The following BRINP1 variants were observed in gnomAD, a reference collection of about 807,000 sequenced individuals.
The protein encoded by BRINP1 is BMP/retinoic acid-inducible neural-specific protein 1.
In BRINP1, 17 loss-of-function variants were observed where a neutral mutation model predicts 72.9. That is an observed-to-expected ratio of 0.23 (90% CI 0.16 to 0.35). The LOEUF (loss-of-function observed/expected upper bound fraction) is 0.35, where lower values mean the gene tolerates loss of function less well. Ranked by LOEUF, BRINP1 falls within the 10% of genes least tolerant of loss-of-function variation. BRINP1 has a pLI of 1.00. For missense variants in BRINP1, 850 were observed against 1,001.6 expected (o/e 0.85, Z 2.04); for synonymous variants, 418 against 378.5 (o/e 1.10, Z -1.21).
intron 1 of BRINP1, among the ~76,000 whole-genome samples, chr9:119,322,857 G>C (rs1831203854): frequency 6.6e-6 from 1 of 152,092 alleles, no homozygotes. Flanking sequence ...GCAGTAACAG[G>C]GGGATGCACA....
chr9:119,344,325 C>CACACAA (rs1462740067), intron 1 of BRINP1, among the ~76,000 whole-genome samples: 1 of 152,100 alleles, frequency 6.6e-6, no homozygotes, highest in African/African-American at 2.4e-5. Context: ...CATATAAATA[C>CACACAA]ATATGTATAA....
At chr9:119,218,422 C>T (rs936291146) in intron 5 of BRINP1, among the ~76,000 whole-genome samples, 2 of 151,944 alleles carry the variant, frequency 1.3e-5, no homozygotes, top group African/African-American at 4.8e-5. Flanking sequence ...GGATTACAGG[C>T]ATAAGCCACT....
At chr9:119,265,171 A>G (rs966167029) in intron 2 of BRINP1, among the ~76,000 whole-genome samples, 5 of 152,102 alleles carry the variant, frequency 3.3e-5, no homozygotes, top group Non-Finnish European at 7.4e-5. Flanking sequence ...CACTTCCTTA[A>G]AGTATGTATC....
intron 1 of BRINP1, among the ~76,000 whole-genome samples, chr9:119,345,868 GT>G (rs976734952): frequency 1.8e-4 from 28 of 151,922 alleles, no homozygotes; most frequent in African/African-American, 6.5e-4. Context: ...CTATGAGGTG[GT>G]TTTTTTTGTT....
At chr9:119,294,909 T>C (rs1240516791) in intron 2 of BRINP1, among the ~76,000 whole-genome samples, 1 of 150,510 alleles carries the variant, frequency 6.6e-6, no homozygotes, top group East Asian at 1.9e-4. Context: ...TGTTCATGAA[T>C]TGGATTAATA....
chr9:119,256,056 C>T (rs111495145), intron 2 of BRINP1, among the ~76,000 whole-genome samples: 4 of 150,682 alleles, frequency 2.7e-5, no homozygotes, highest in African/African-American at 7.3e-5. Context: ...CGTGTCTCTA[C>T]CTGTGAAATA....
chr9:119,329,762 T>C (rs962641486), intron 1 of BRINP1, among the ~76,000 whole-genome samples: 1 of 152,124 alleles, frequency 6.6e-6, no homozygotes, highest in Non-Finnish European at 1.5e-5. Context: ...CACTGAGCCC[T>C]CAAAACAAGC....
In BRINP1 at chr9:119,180,333, T is replaced by G. The variant is rs537675875; in HGVS notation, c.1146-12109A>C. ...TTTTTCCTTGGCATTTCTTTGACAC[T>G]GTAATGGGTGCCCAAGTAATTCTGT... On this transcript the variant is annotated intron_variant, in intron 7 of 7. Transcript: ENST00000265922. 1.6e-4 allele frequency among the ~76,000 whole-genome samples: 24 copies of G among 152,336 alleles called. No individual in the cohort carries two copies. The South Asian group carries it at 4.4e-3, about 28-fold the overall frequency.
chr9:119,328,411 T>C (rs901099124), intron 1 of BRINP1, among the ~76,000 whole-genome samples: 152 of 152,146 alleles, frequency 1.0e-3, no homozygotes, highest in African/African-American at 3.5e-3. Flanking sequence ...ATGGCTCTCC[T>C]TTCTCCCTAC....
chr9:119,357,738 T>G (rs1248594569), intron 1 of BRINP1, among the ~76,000 whole-genome samples: 3 of 152,194 alleles, frequency 2.0e-5, no homozygotes, highest in Non-Finnish European at 4.4e-5. Flanking sequence ...GAAAGATGGA[T>G]GCCTTTCTCA....
Position 119,234,030 on chromosome 9 carries a change from A to C in BRINP1, c.685+4625T>G, listed in dbSNP as rs1830170642. ...TCATTGTATGAATGTATGACAATTT[A>C]TTTATCCATTTTCTTGTTGATGGAC... is the stretch of plus-strand genomic sequence containing the variant. On this transcript the variant is annotated intron_variant, in intron 5 of 7. Transcript: ENST00000265922. 1.3e-5 allele frequency among the ~76,000 whole-genome samples: 2 copies of C among 152,110 alleles called. 1 individual carries two copies. Among genetic ancestry groups the C allele is most frequent in the African/African-American group, 4.8e-5 (2 of 41,422 alleles).
chr9:119,341,530 G>A (rs1277563860), intron 1 of BRINP1, among the ~76,000 whole-genome samples: 1 of 152,120 alleles, frequency 6.6e-6, no homozygotes, highest in Non-Finnish European at 1.5e-5. Context: ...CAGCAGCAGT[G>A]AGCCGCAGCT....
intron 7 of BRINP1, among the ~76,000 whole-genome samples, chr9:119,199,329 C>T (rs193012683): frequency 6.6e-6 from 1 of 152,216 alleles, no homozygotes; most frequent in Admixed American, 6.5e-5. Flanking sequence ...TATTGAGGGT[C>T]ATCAGAATAG....
At chr9:119,360,144 A>C (rs1831614398) in intron 1 of BRINP1, among the ~76,000 whole-genome samples, 1 of 152,236 alleles carries the variant, frequency 6.6e-6, no homozygotes. Flanking sequence ...AGTCCTCCCT[A>C]GCCTCGGCTA....
At chr9:119,365,264 G>A (rs150463900) in intron 1 of BRINP1, among the ~76,000 whole-genome samples, 27 of 152,354 alleles carry the variant, frequency 1.8e-4, no homozygotes, top group Admixed American at 1.0e-3. Context: ...GTTAAAAGTC[G>A]TGGCTGAATG....
chr9:119,177,110 C>T (rs567696778), intron 7 of BRINP1, among the ~76,000 whole-genome samples: 2 of 152,244 alleles, frequency 1.3e-5, no homozygotes, highest in South Asian at 4.2e-4. Context: ...CTGAGTGAAT[C>T]AATGTTTGAT....
intron 1 of BRINP1, among the ~76,000 whole-genome samples, chr9:119,322,802 TA>T (rs1248476345): frequency 6.6e-6 from 1 of 152,154 alleles, no homozygotes; most frequent in Non-Finnish European, 1.5e-5. Context: ...TTGGGCATGT[TA>T]TTAACCCCCT....
At chr9:119,270,110 A>T (rs1251088598) in intron 2 of BRINP1, among the ~76,000 whole-genome samples, 1 of 151,914 alleles carries the variant, frequency 6.6e-6, no homozygotes, top group African/African-American at 2.4e-5. Context: ...CTAGGTTGGC[A>T]CTTGGTGAAA....
intron 1 of BRINP1, among the ~76,000 whole-genome samples, chr9:119,349,734 G>T (rs958147578): frequency 6.6e-6 from 1 of 152,132 alleles, no homozygotes; most frequent in Non-Finnish European, 1.5e-5. Flanking sequence ...ATGTGGGTTC[G>T]GGTTGCAGTC....
Sources: gnomAD v4.1 joint callset for allele counts (sites outside exome capture counted in the v4.1 genomes callset) on GRCh38, gnomAD v4.1.1 for gene constraint, MANE v1.5 for transcripts, NCBI Gene and HGNC (gene_info 2026-07-23, HGNC 2026-07-21) for gene names.